The following ZFYVE28 variants were observed in gnomAD, a reference collection of about 807,000 sequenced individuals.
ZFYVE28 encodes lateral signaling target protein 2 homolog.
A neutral mutation model predicts 82.1 loss-of-function variants in ZFYVE28; 40 were observed. The observed-to-expected ratio is 0.49, with a 90% CI of 0.38 to 0.63. ZFYVE28 has a LOEUF of 0.63. Among genes scored for constraint, ZFYVE28 ranks in the 30% least tolerant of loss-of-function variants. ZFYVE28 has a pLI of 0.00. For synonymous variants in ZFYVE28, 612 were observed against 546.1 expected (o/e 1.12, Z -1.68); for missense variants, 1,321 against 1,242.1 (o/e 1.06, Z -0.96).
chr4:2,312,543 A>G (rs990153359), intron 7 of ZFYVE28, among the ~76,000 whole-genome samples: 1 of 152,002 alleles, frequency 6.6e-6, no homozygotes, highest in Admixed American at 6.5e-5. Context: ...CCCGGCTAAC[A>G]TGGTGAAACC....
chr4:2,315,044 G>A lies in ZFYVE28; in HGVS notation c.803+5126C>T, dbSNP rs549774601. 9.7e-4 allele frequency among the ~76,000 whole-genome samples: 147 copies of A among 152,186 alleles called. 1 individual carries two copies. Among genetic ancestry groups the A allele is most frequent in the African/African-American group, 3.4e-3 (143 of 41,518 alleles). Reference sequence around the variant, plus strand: ...TCCTGCCTTGGCCTCCCAAAGTGCTGGGATTACAGGCAGGAGCCACCGCAC... The same window carrying A: ...TCCTGCCTTGGCCTCCCAAAGTGCTAGGATTACAGGCAGGAGCCACCGCAC... On this transcript the variant is annotated intron_variant, in intron 7 of 12. Transcript: ENST00000290974.
intron 2 of ZFYVE28, among the ~76,000 whole-genome samples, chr4:2,348,937 C>T (rs1020085290): frequency 6.6e-6 from 1 of 152,118 alleles, no homozygotes; most frequent in Non-Finnish European, 1.5e-5. Flanking sequence ...CAAGAAGACA[C>T]CAAGAGTTCC....
rs1044899351 is a variant in ZFYVE28, at chr4:2,320,035, G to A, written c.803+135C>T. ...ATGGGTCGTTTGTGACCCCTCCCTA[G>A]GGAATATTAACCAGCCCATCCTTCC... On this transcript the variant is annotated intron_variant, in intron 7 of 12. Transcript: ENST00000290974. The surrounding 1 kb of genome is among the most constrained non-coding windows in gnomAD (Gnocchi z 5.1). The A allele has an allele frequency of 2.3e-6, 2 of 852,068 alleles. No homozygotes were observed. Among genetic ancestry groups the A allele is most frequent in the Non-Finnish European group, 3.7e-6 (2 of 542,960 alleles). 52.8% of individuals were successfully genotyped at this position (852,068 alleles called of 1,614,324 possible). A position where few individuals can be genotyped will look rare whatever the true frequency, so the allele number is the denominator to read the frequency against.
intron 8 of ZFYVE28, among the ~76,000 whole-genome samples, chr4:2,281,300 T>G (rs896028096): frequency 6.6e-6 from 1 of 150,424 alleles, no homozygotes; most frequent in Non-Finnish European, 1.5e-5. Flanking sequence ...TGAGCCTGGG[T>G]CCTTCTGGGT....
rs1488634443 is a variant in ZFYVE28, at chr4:2,330,434, T to C, written c.701+5271A>G. On this transcript the variant is annotated intron_variant, in intron 6 of 12. Transcript: ENST00000290974. ...GGACAGCACGGAAGAGGGGACATCA[T>C]GGAGGGGACAGCACGGAGGAGGGAA... 9 of 1,047,620 alleles carry C rather than the reference T, an allele frequency of 8.6e-6. No homozygotes were observed. The African/African-American group carries it at 1.0e-4, about 12-fold the overall frequency. 64.9% of individuals were successfully genotyped at this position (1,047,620 alleles called of 1,614,324 possible).
chr4:2,373,915 C>T (rs918216958), intron 1 of ZFYVE28, among the ~76,000 whole-genome samples: 5 of 152,200 alleles, frequency 3.3e-5, no homozygotes, highest in Non-Finnish European at 7.3e-5. Context: ...ATGCCCCAAG[C>T]CCTGCCTCCC....
Position 2,362,268 on chromosome 4 carries a change from A to G in ZFYVE28, c.40-8195T>C, listed in dbSNP as rs932586148. On this transcript the variant is annotated intron_variant, in intron 1 of 12. Transcript: ENST00000290974. The surrounding 1 kb of genome is among the most constrained non-coding windows in gnomAD (Gnocchi z 5.1). ...TCTGAGGCACCGCCTGGGCCTCTCC[A>G]GGGCCAGCTTTCCATTAAAGCCTGG... 2.0e-5 allele frequency among the ~76,000 whole-genome samples: 3 copies of G among 152,110 alleles called. No individual in the cohort carries two copies. Among genetic ancestry groups the G allele is most frequent in the Non-Finnish European group, 2.9e-5 (2 of 68,006 alleles).
At chr4:2,360,211 A>G (rs1016392423) in intron 1 of ZFYVE28, among the ~76,000 whole-genome samples, 1 of 151,630 alleles carries the variant, frequency 6.6e-6, no homozygotes, top group African/African-American at 2.4e-5. Context: ...ACCACGAGGA[A>G]CAACACTCAC....
chr4:2,311,222 T>C (rs920680401), intron 7 of ZFYVE28, among the ~76,000 whole-genome samples: 1 of 152,200 alleles, frequency 6.6e-6, no homozygotes, highest in Non-Finnish European at 1.5e-5. Context: ...TTTATTAATC[T>C]TTTAAAATAA....
intron 6 of ZFYVE28, among the ~76,000 whole-genome samples, chr4:2,327,224 T>C (rs897427677): frequency 3.7e-5 from 5 of 134,632 alleles, no homozygotes; most frequent in African/African-American, 1.4e-4. Flanking sequence ...CACTCCAGCC[T>C]GGGTGACGGA....
intron 1 of ZFYVE28, among the ~76,000 whole-genome samples, chr4:2,369,790 C>T (rs1334501594): frequency 6.6e-6 from 1 of 151,202 alleles, no homozygotes; most frequent in Non-Finnish European, 1.5e-5. Context: ...GCTGCCCACA[C>T]CACGACCTCA....
chr4:2,405,164 C>G (rs959918132), intron 1 of ZFYVE28, among the ~76,000 whole-genome samples: 12 of 152,214 alleles, frequency 7.9e-5, no homozygotes, highest in African/African-American at 2.7e-4. Flanking sequence ...CCAGATACCC[C>G]CAGAGAGTGG....
Position 2,370,091 on chromosome 4 carries a change from G to A in ZFYVE28, c.40-16018C>T, listed in dbSNP as rs532726473. On this transcript the variant is annotated intron_variant, in intron 1 of 12. Transcript: ENST00000290974. ...TCTTGATCTCCTGATCTCGTGATCC[G>A]CCCGCCTTAGCCTTCCGAAGTGCTG... Among the ~76,000 whole-genome samples, 22 of 151,788 alleles carry A rather than the reference G, an allele frequency of 1.4e-4. No individual in the cohort carries two copies. In the East Asian group the frequency reaches 2.3e-3, roughly 16 times the overall value.
intron 7 of ZFYVE28, among the ~76,000 whole-genome samples, chr4:2,311,968 T>G (rs2108830523): frequency 6.6e-6 from 1 of 152,260 alleles, no homozygotes; most frequent in South Asian, 2.1e-4. Context: ...TTTTAATATG[T>G]TAAAGAAAAT....
intron 1 of ZFYVE28, among the ~76,000 whole-genome samples, chr4:2,415,957 C>T (rs1332434537): frequency 1.3e-5 from 2 of 152,198 alleles, no homozygotes; most frequent in East Asian, 3.8e-4. Flanking sequence ...GGAGATACGT[C>T]TCAAGTCCAG....
rs755340786 is a variant in ZFYVE28 at position 2,305,258 on chromosome 4, G to A, written c.1082C>T (p.Ser361Leu). ...TGGGGACTGGCAGGCAATGGGCGGT[G>A]AAAGCAAAGAGGACATCTCGTCCCC... ...RAGDEMSSLL[S>L]PPIACQSPAH... The change falls in exon 8 of 13, where the codon TCA (serine) becomes TTA (leucine). Residue 361 changes from serine (S) to leucine (L), a missense_variant. This residue lies in a region of ZFYVE28 where 978 missense variants were observed against 833.7 expected (regional missense o/e 1.17). Coordinates refer to ENST00000290974, the MANE Select transcript of ZFYVE28 (RefSeq NM_020972.3). The A allele has an allele frequency of 6.2e-7, 1 of 1,612,728 alleles. No homozygotes were observed. The highest frequency in any genetic ancestry group is 2.2e-5 in the East Asian group (1 of 44,866).
chr4:2,274,139 T>A lies in ZFYVE28; in HGVS notation c.2129A>T (p.Gln710Leu). ...AAPAATHAAP[Q>L]ATREKIRSRF... ...GGACCGGATCTTCTCTCTTGTGGCC[T>A]GTGGGGCAGCATGCGTGGCTGCTGG... Residue 710 changes from glutamine (Q) to leucine (L), a missense_variant, in exon 9 of 13, where the codon CAG becomes CTG. Physicochemically the swap from Gln to Leu is moderately radical, Grantham distance 113 (BLOSUM62 -2). This residue lies in a region of ZFYVE28 where 978 missense variants were observed against 833.7 expected (regional missense o/e 1.17). Transcript: ENST00000290974. 1 of 1,613,542 alleles carries A rather than the reference T, an allele frequency of 6.2e-7. No homozygotes were observed. The highest frequency in any genetic ancestry group is 8.5e-7 in the Non-Finnish European group (1 of 1,179,656).
At chr4:2,365,156 G>A (rs574073088) in intron 1 of ZFYVE28, among the ~76,000 whole-genome samples, 1 of 150,956 alleles carries the variant, frequency 6.6e-6, no homozygotes, top group Non-Finnish European at 1.5e-5. Context: ...GCGGGGGGAC[G>A]GGGAGGGGGC....
At position 2,320,365 on chromosome 4, in the gene ZFYVE28, G is replaced by T. The variant is rs563839541; in HGVS notation, c.702-94C>A. ...TTAACCACCTGCGAAAACCACGCCC[G>T]CTGGGACTCTGCAGCGCCACTGTCC... On this transcript the variant is annotated intron_variant, in intron 6 of 12. Coordinates refer to ENST00000290974, the MANE Select transcript of ZFYVE28 (RefSeq NM_020972.3). This position sits in a 1 kb window ranked among gnomAD's most constrained non-coding sequence, Gnocchi z 5.1. The T allele has an allele frequency of 5.6e-6, 6 of 1,075,820 alleles. No homozygotes were observed. Among genetic ancestry groups the T allele is most frequent in the African/African-American group, 3.1e-5 (2 of 63,714 alleles). 66.6% of individuals were successfully genotyped at this position (1,075,820 alleles called of 1,614,324 possible).
Sources: allele counts gnomAD v4.1 joint callset (sites outside exome capture counted in the v4.1 genomes callset), GRCh38; gene constraint gnomAD v4.1.1; regional missense constraint gnomAD v4.1.1; non-coding constraint Gnocchi (gnomAD v3.1); transcripts MANE v1.5; gene names NCBI Gene and HGNC (gene_info 2026-07-23, HGNC 2026-07-21).